MOXD1: variants seen among roughly 807,000 people sequenced by gnomAD.
MOXD1 encodes the protein DBH-like monooxygenase protein 1.
A neutral mutation model predicts 66.6 loss-of-function variants in MOXD1; 62 were observed. That is an observed-to-expected ratio of 0.93 (90% CI 0.76 to 1.15). The LOEUF (loss-of-function observed/expected upper bound fraction) is 1.15, where lower values mean the gene tolerates loss of function less well. Among genes scored for constraint, MOXD1 ranks in the 50% most tolerant of loss-of-function variants. The pLI, the probability that MOXD1 is intolerant of heterozygous loss-of-function variation, is 0.00. For missense variants in MOXD1, 847 were observed against 754.6 expected, an observed-to-expected ratio of 1.12 and a Z score of -1.44; for synonymous variants, 303 against 281.9, an observed-to-expected ratio of 1.07 and a Z score of -0.75.
chr6:132,302,938 G>A (rs1343524133), intron 10 of MOXD1, among the ~76,000 whole-genome samples: 1 of 152,072 alleles, frequency 6.6e-6, no homozygotes, highest in East Asian at 1.9e-4. Flanking sequence ...TAATTCAATA[G>A]TAAAAAGGTA....
rs183343225 is a variant in MOXD1, at chr6:132,352,376, A to T, written c.663+20232T>A. ...AAAGAATTTTTAAATTTCTATCTTG[A>T]TTTCATTTTTGACCCAATGCTCACT... is the stretch of plus-strand genomic sequence containing the variant. On this transcript the variant is annotated intron_variant, in intron 4 of 11. Coordinates refer to ENST00000367963, the MANE Select transcript of MOXD1 (RefSeq NM_015529.4). 8.4e-4 allele frequency among the ~76,000 whole-genome samples: 128 copies of T among 152,210 alleles called. 1 individual carries two copies. The highest frequency in any genetic ancestry group is 6.8e-3 in the Middle Eastern group (2 of 294).
At chr6:132,312,137 T>G (rs1182655029) in intron 10 of MOXD1, among the ~76,000 whole-genome samples, 1 of 152,024 alleles carries the variant, frequency 6.6e-6, no homozygotes, top group African/African-American at 2.4e-5. Flanking sequence ...TCCTTAAGAC[T>G]TGCCAGATCT....
intron 4 of MOXD1, among the ~76,000 whole-genome samples, chr6:132,335,688 T>G (rs139040271): frequency 6.6e-6 from 1 of 152,200 alleles, no homozygotes; most frequent in Non-Finnish European, 1.5e-5. Flanking sequence ...TTTCTGCTGT[T>G]TGAAGCTATC....
In MOXD1 at chr6:132,392,232, C is replaced by T. The variant is rs563223772; in HGVS notation, c.264+8931G>A. The T allele has an allele frequency of 3.7e-6, 6 of 1,601,560 alleles. No homozygotes were observed. The East Asian group carries it at 1.3e-4, about 36-fold the overall frequency. Reference sequence around the variant, plus strand: ...AGCACTTCCTCAGCAAGTGGCCCGGCAGCAATTACCCTGCTGCTGAAGACA... The same window carrying T: ...AGCACTTCCTCAGCAAGTGGCCCGGTAGCAATTACCCTGCTGCTGAAGACA... On this transcript the variant is annotated intron_variant, in intron 1 of 11. Coordinates refer to ENST00000367963, the MANE Select transcript of MOXD1 (RefSeq NM_015529.4).
At chr6:132,376,149 T>C (rs948548704) in intron 1 of MOXD1, among the ~76,000 whole-genome samples, 1 of 152,232 alleles carries the variant, frequency 6.6e-6, no homozygotes, top group Admixed American at 6.5e-5. Flanking sequence ...CAGTACCTGA[T>C]GATATTTTAT....
chr6:132,302,857 A>G (rs1033605259), intron 10 of MOXD1, among the ~76,000 whole-genome samples: 7 of 152,192 alleles, frequency 4.6e-5, no homozygotes, highest in African/African-American at 1.7e-4. Context: ...CATATAGAGC[A>G]ATGAAACAGA....
At chr6:132,394,592 T>C (rs1455170624) in intron 1 of MOXD1, among the ~76,000 whole-genome samples, 1 of 150,702 alleles carries the variant, frequency 6.6e-6, no homozygotes, top group Admixed American at 6.6e-5. Flanking sequence ...AGGAAATAAA[T>C]GAGAAATTTA....
chr6:132,346,432 T>TC (rs1277159182), intron 4 of MOXD1, among the ~76,000 whole-genome samples: 2 of 152,198 alleles, frequency 1.3e-5, no homozygotes, highest in Non-Finnish European at 2.9e-5. Context: ...ATCTTTTTTT[T>TC]CTAGCAGCAG....
chr6:132,315,356 T>C (rs1354565080), intron 10 of MOXD1, among the ~76,000 whole-genome samples: 2 of 152,190 alleles, frequency 1.3e-5, no homozygotes, highest in African/African-American at 4.8e-5. Flanking sequence ...CTTTTGTTCT[T>C]TCTGCTTTGC....
intron 4 of MOXD1, among the ~76,000 whole-genome samples, chr6:132,337,839 A>G (rs1391097671): frequency 6.6e-6 from 1 of 152,224 alleles, no homozygotes. Context: ...TCAATACAGC[A>G]GAGATCACCT....
chr6:132,368,340 C>A (rs1357595756), intron 4 of MOXD1, among the ~76,000 whole-genome samples: 1 of 151,950 alleles, frequency 6.6e-6, no homozygotes, highest in Non-Finnish European at 1.5e-5. Flanking sequence ...GTCTCGAGTA[C>A]CTGACAAAGA....
intron 2 of MOXD1, among the ~76,000 whole-genome samples, chr6:132,373,533 T>C (rs1776312195): frequency 1.3e-5 from 2 of 152,244 alleles, no homozygotes; most frequent in African/African-American, 2.4e-5. Context: ...GGATTTCTGA[T>C]TCTGAGTTTT....
At chr6:132,377,957 G>A (rs1037868833) in intron 1 of MOXD1, among the ~76,000 whole-genome samples, 12 of 151,962 alleles carry the variant, frequency 7.9e-5, no homozygotes, top group Admixed American at 1.3e-4. Flanking sequence ...GTGAAACCCC[G>A]TCTCTACTAA....
At chr6:132,303,858 T>G (rs13195363) in intron 10 of MOXD1, among the ~76,000 whole-genome samples, 6 of 73,272 alleles carry the variant, frequency 8.2e-5, no homozygotes, top group Admixed American at 7.1e-4. Context: ...TATATATATA[T>G]ATATATATAT....
intron 4 of MOXD1, among the ~76,000 whole-genome samples, chr6:132,351,239 G>T (rs1382662509): frequency 1.3e-5 from 2 of 152,020 alleles, no homozygotes; most frequent in Non-Finnish European, 2.9e-5. Flanking sequence ...GGGAATGCTT[G>T]CAACTTTTCC....
At chr6:132,385,899 C>G (rs1278756189) in intron 1 of MOXD1, among the ~76,000 whole-genome samples, 1 of 151,236 alleles carries the variant, frequency 6.6e-6, no homozygotes, top group Admixed American at 6.6e-5. Context: ...GTCAGGAGAT[C>G]GAGACCATCC....
intron 9 of MOXD1, among the ~76,000 whole-genome samples, chr6:132,320,238 C>G (rs947917009): frequency 3.3e-5 from 5 of 152,150 alleles, no homozygotes; most frequent in Non-Finnish European, 5.9e-5. Context: ...GACCAGATTT[C>G]TCTTTGAGTC....
intron 4 of MOXD1, among the ~76,000 whole-genome samples, chr6:132,364,014 A>C (rs1776067762): frequency 6.6e-6 from 1 of 152,180 alleles, no homozygotes; most frequent in Admixed American, 6.6e-5. Context: ...AAGATATACA[A>C]GGTTGGAGTA....
At chr6:132,342,149 T>C (rs944835113) in intron 4 of MOXD1, among the ~76,000 whole-genome samples, 4 of 152,156 alleles carry the variant, frequency 2.6e-5, no homozygotes, top group Non-Finnish European at 1.5e-5. Flanking sequence ...ATTAGAGGCA[T>C]GTGCCACAAC....
Sources: allele counts gnomAD v4.1 joint callset (sites outside exome capture counted in the v4.1 genomes callset), GRCh38; gene constraint gnomAD v4.1.1; transcripts MANE v1.5; gene names NCBI Gene and HGNC (gene_info 2026-07-23, HGNC 2026-07-21).